The following SPRY1 variants were observed in gnomAD, a reference collection of about 807,000 sequenced individuals.
SPRY1 encodes sprouty RTK signaling antagonist 1.
SPRY1 carries 20 observed loss-of-function variants against 22.6 expected under a neutral mutation model. That is an observed-to-expected ratio of 0.89 (90% CI 0.62 to 1.29). The LOEUF is 1.29. Ranked by LOEUF, SPRY1 falls within the 50% of genes most tolerant of loss-of-function variation. The pLI, the probability that SPRY1 is intolerant of heterozygous loss-of-function variation, is 0.00. For synonymous variants in SPRY1, 155 were observed against 144.7 expected (o/e 1.07, Z -0.51); for missense variants, 446 against 387.7 (o/e 1.15, Z -1.26).
Position 123,402,255 on chromosome 4 carries a change from A to G in SPRY1, c.664A>G (p.Met222Val). The part of the protein sequence containing the change: ...AESMVEYGTC[M>V]CLVKGIFYHC... ...GAGCATGGTGGAATATGGAACCTGC[A>G]TGTGCTTAGTCAAGGGCATCTTCTA... Residue 222 changes from methionine (M) to valine (V), a missense_variant, in exon 3 of 3, where the codon ATG (methionine) becomes GTG (valine). By Grantham distance (21) the Met-to-Val change is conservative. Coordinates refer to ENST00000651917, the MANE Select transcript of SPRY1 (RefSeq NM_001258038.2). The G allele has an allele frequency of 6.2e-7, 1 of 1,614,246 alleles. No homozygotes were observed.
chr4:123,398,421 C>T (rs1309641678), intron 2 of SPRY1: 4 of 151,120 alleles, frequency 2.6e-5, no homozygotes, highest in African/African-American at 9.7e-5. Context: ...TCGCCCTCCC[C>T]GCCGCGGTTG....
At position 123,401,668 on chromosome 4, in the gene SPRY1, G is replaced by A; in HGVS notation, c.77G>A (p.Arg26Lys). The change falls in exon 3 of 3, where the codon AGA (arginine) becomes AAA (lysine). Residue 26 changes from arginine (R) to lysine (K), a missense_variant. Coordinates refer to ENST00000651917, the MANE Select transcript of SPRY1 (RefSeq NM_001258038.2). ...CAGCCTTCTTTGGATAGCCGTCAGA[G>A]ATTAGACTATGAGAGAGAGATTCAG... ...IQQPSLDSRQ[R>K]LDYEREIQPT... 1 of 1,614,148 alleles carries A rather than the reference G, an allele frequency of 6.2e-7. No individual in the cohort carries two copies. Among genetic ancestry groups the A allele is most frequent in the Non-Finnish European group, 8.5e-7 (1 of 1,180,036 alleles).
At position 123,397,800 on chromosome 4, in the gene SPRY1, C is replaced by A. The variant is rs1350034869; in HGVS notation, c.-112C>A. On this transcript the variant is annotated 5_prime_UTR_variant, in exon 2 of 3. Transcript: ENST00000651917. ...CCGCCTTTCTCTCTCCGAGAAGGAT[C>A]CCCAAACCTCACTCTCTTCACTCCT... 6.7e-6 allele frequency: 1 copy of A among 149,906 alleles called. No individual in the cohort carries two copies. Among genetic ancestry groups the A allele is most frequent in the East Asian group, 2.0e-4 (1 of 5,080 alleles). 9.3% of individuals were successfully genotyped at this position (149,906 alleles called of 1,614,324 possible).
chr4:123,402,621 TGTTTTTGTTTTC>T lies in SPRY1; in HGVS notation c.*71_*82del. 3 of 1,522,182 alleles carry T rather than the reference TGTTTTTGTTTTC, an allele frequency of 2.0e-6. No individual in the cohort carries two copies. Among genetic ancestry groups the T allele is most frequent in the Non-Finnish European group, 2.6e-6 (3 of 1,138,384 alleles). The allele number at this position is 1,522,182 out of a possible 1,614,324, so 94.3% of individuals were successfully genotyped here. On this transcript the variant is annotated 3_prime_UTR_variant, in exon 3 of 3. Coordinates refer to ENST00000651917, the MANE Select transcript of SPRY1 (RefSeq NM_001258038.2). ...TGTGGCTGTTTTTTGTTTTTGTTTT[TGTTTTTGTTTTC>T]TTTAGAATTTTTCCCTGTTTCCCAC...
chr4:123,402,299 C>G lies in SPRY1; in HGVS notation c.708C>G (p.Asp236Glu). Residue 236 changes from aspartate to glutamate, a missense_variant, in exon 3 of 3, where the codon GAC becomes GAG. Transcript: ENST00000651917. Reference sequence around the variant, plus strand: ...TCTTCTACCACTGCTCCAATGACGACGAAGGGGATTCCTATTCAGATAATC... The same window carrying G: ...TCTTCTACCACTGCTCCAATGACGAGGAAGGGGATTCCTATTCAGATAATC... ...KGIFYHCSNDDEGDSYSDNPC... is the reference protein window; with the variant it reads ...KGIFYHCSNDEEGDSYSDNPC... 2 of 1,614,216 alleles carry G rather than the reference C, an allele frequency of 1.2e-6. No individual in the cohort carries two copies. Among genetic ancestry groups the G allele is most frequent in the Non-Finnish European group, 1.7e-6 (2 of 1,180,030 alleles).
Position 123,396,860 on chromosome 4 carries a change from C to T in SPRY1, c.-374C>T, listed in dbSNP as rs140904840. ...TGCAGAGTGATTATCAGCACAGTTC[C>T]CTGCCCTGGATAAGGAACAGCTACA... On this transcript the variant is annotated 5_prime_UTR_variant, in exon 1 of 3. Coordinates refer to ENST00000651917, the MANE Select transcript of SPRY1 (RefSeq NM_001258038.2). The T allele has an allele frequency of 3.1e-4, 47 of 152,326 alleles. No individual in the cohort carries two copies. The highest frequency in any genetic ancestry group is 1.1e-3 in the African/African-American group (45 of 41,554). 9.4% of individuals were successfully genotyped at this position (152,326 alleles called of 1,614,324 possible). A position where few individuals can be genotyped will look rare whatever the true frequency, so the allele number is the denominator to read the frequency against.
At position 123,402,645 on chromosome 4, in the gene SPRY1, T is replaced by C. The variant is rs952464869; in HGVS notation, c.*94T>C. 6 of 1,473,922 alleles carry C rather than the reference T, an allele frequency of 4.1e-6. No individual in the cohort carries two copies. The African/African-American group carries it at 7.1e-5, about 17-fold the overall frequency. The allele number at this position is 1,473,922 out of a possible 1,614,324, so 91.3% of individuals were successfully genotyped here. The stretch of plus-strand genomic sequence containing the variant: ...TTGTTTTTGTTTTCTTTAGAATTTT[T>C]CCCTGTTTCCCACCTTCTCTTCCCC... On this transcript the variant is annotated 3_prime_UTR_variant, in exon 3 of 3. Transcript: ENST00000651917.
chr4:123,401,997 T>G lies in SPRY1; in HGVS notation c.406T>G (p.Leu136Val). Reference protein sequence around the residue: ...NSSASSEQGLLGRSPPTRPVP... With the variant: ...NSSASSEQGLVGRSPPTRPVP... Reference sequence around the variant, plus strand: ...CAGTGCCTCTTCTGAACAGGGACTGTTAGGAAGGTCACCACCAACCAGACC... The same window carrying G: ...CAGTGCCTCTTCTGAACAGGGACTGGTAGGAAGGTCACCACCAACCAGACC... Residue 136 changes from leucine to valine, a missense_variant, in exon 3 of 3, where the codon TTA becomes GTA. Leu to Val is a conservative substitution (Grantham distance 32). Coordinates refer to ENST00000651917, the MANE Select transcript of SPRY1 (RefSeq NM_001258038.2). The G allele has an allele frequency of 6.2e-7, 1 of 1,614,104 alleles. No individual in the cohort carries two copies. The highest frequency in any genetic ancestry group is 1.3e-5 in the African/African-American group (1 of 75,022).
rs753444242 is a variant in SPRY1 at position 123,401,937 on chromosome 4, A to G, written c.346A>G (p.Ser116Gly). ...GGGCCCCATTTTGAGCAGATCAACCAGCACTGGAAGTGCAGCCAGCTCTGG... is the reference window on the plus strand; with the variant it reads ...GGGCCCCATTTTGAGCAGATCAACCGGCACTGGAAGTGCAGCCAGCTCTGG... ...ARGPILSRST[S>G]TGSAASSGSN... The change falls in exon 3 of 3, where the codon AGC becomes GGC. Residue 116 changes from serine (S) to glycine (G), a missense_variant. Coordinates refer to ENST00000651917, the MANE Select transcript of SPRY1 (RefSeq NM_001258038.2). 1.1e-5 allele frequency: 18 copies of G among 1,614,090 alleles called. No homozygotes were observed. Among genetic ancestry groups the G allele is most frequent in the Non-Finnish European group, 1.4e-5 (17 of 1,180,040 alleles).
In SPRY1 at chr4:123,402,175, C is replaced by T. The variant is rs772009773; in HGVS notation, c.584C>T (p.Pro195Leu). ...GKCKCGECTA[P>L]RTLPSCLACN... ...TGCAAGTGTGGAGAATGCACTGCTC[C>T]CAGGACCCTACCATCCTGTTTGGCC... Residue 195 changes from proline (P) to leucine (L), a missense_variant, in exon 3 of 3, where the codon CCC becomes CTC. Transcript: ENST00000651917. 4.3e-6 allele frequency: 7 copies of T among 1,614,058 alleles called. No individual in the cohort carries two copies. The highest frequency in any genetic ancestry group is 5.1e-6 in the Non-Finnish European group (6 of 1,180,032).
At chr4:123,400,785 C>G (rs754000021) in intron 2 of SPRY1, among the ~76,000 whole-genome samples, 15 of 152,138 alleles carry the variant, frequency 9.9e-5, no homozygotes, top group Non-Finnish European at 1.9e-4. Context: ...TGAGTGAGCC[C>G]TTCAGCTTAA....
At position 123,402,532 on chromosome 4, in the gene SPRY1, G is replaced by A; in HGVS notation, c.941G>A (p.Gly314Asp). The change falls in exon 3 of 3, where the codon GGT becomes GAT. Residue 314 changes from glycine (G) to aspartate (D), a missense_variant. Gly to Asp is a moderately conservative substitution (Grantham distance 94, BLOSUM62 -1). Coordinates refer to ENST00000651917, the MANE Select transcript of SPRY1 (RefSeq NM_001258038.2). ...YCKLESCPSR[G>D]QGKPS The stretch of plus-strand genomic sequence containing the variant: ...AAGCTGGAGAGCTGCCCCTCCCGGG[G>A]TCAGGGTAAACCATCATGATTTTTG... 1 of 1,613,144 alleles carries A rather than the reference G, an allele frequency of 6.2e-7. No homozygotes were observed. Among genetic ancestry groups the A allele is most frequent in the Non-Finnish European group, 8.5e-7 (1 of 1,179,282 alleles).
intron 2 of SPRY1, chr4:123,400,121 TGAA>T (rs1270360791): frequency 6.6e-6 from 1 of 152,200 alleles, no homozygotes; most frequent in Non-Finnish European, 1.5e-5. Flanking sequence ...AAGAAGTTCT[TGAA>T]GAAGAGGAAT....
At chr4:123,399,076 C>T (rs537366950) in intron 2 of SPRY1, among the ~76,000 whole-genome samples, 43 of 152,328 alleles carry the variant, frequency 2.8e-4, no homozygotes, top group Non-Finnish European at 5.4e-4. Flanking sequence ...GGCACTGCCA[C>T]TTTAAAAGTG....
Position 123,402,304 on chromosome 4 carries a change from G to C in SPRY1, c.713G>C (p.Gly238Ala). Residue 238 changes from glycine (G) to alanine (A), a missense_variant, in exon 3 of 3, where the codon GGG (glycine) becomes GCG (alanine). Gly to Ala is a moderately conservative substitution (Grantham distance 60). Transcript: ENST00000651917. ...TACCACTGCTCCAATGACGACGAAG[G>C]GGATTCCTATTCAGATAATCCTTGC... Reference protein sequence around the residue: ...IFYHCSNDDEGDSYSDNPCSC... With the variant: ...IFYHCSNDDEADSYSDNPCSC... The C allele has an allele frequency of 6.2e-7, 1 of 1,614,162 alleles. No individual in the cohort carries two copies. The highest frequency in any genetic ancestry group is 1.6e-4 in the Middle Eastern group (1 of 6,062).
chr4:123,399,975 A>G (rs963429280), intron 2 of SPRY1: 2 of 152,128 alleles, frequency 1.3e-5, no homozygotes, highest in Non-Finnish European at 2.9e-5. Context: ...GCCAGTATGA[A>G]GTTTGTTACA....
In SPRY1 at chr4:123,402,347, C is replaced by T. The variant is rs578112056; in HGVS notation, c.756C>T (p.His252=). 14 of 1,614,098 alleles carry T rather than the reference C, an allele frequency of 8.7e-6. No homozygotes were observed. The highest frequency in any genetic ancestry group is 5.0e-5 in the Admixed American group (3 of 60,012). Residue 252 remains histidine (H), a synonymous_variant, in exon 3 of 3, where the codon CAC becomes CAT. Coordinates refer to ENST00000651917, the MANE Select transcript of SPRY1 (RefSeq NM_001258038.2). ...SDNPCSCSQS[H]CCSRYLCMGA... ...ATCCTTGCTCCTGTTCACAATCACA[C>T]TGCTGCTCTAGATACCTGTGTATGG...
chr4:123,399,610 C>T (rs1725065891), intron 2 of SPRY1: 1 of 152,288 alleles, frequency 6.6e-6, no homozygotes. Context: ...CTCGGTGAAC[C>T]CAGCTTTTCC....
intron 2 of SPRY1, among the ~76,000 whole-genome samples, chr4:123,398,955 G>T (rs1405118160): frequency 1.3e-5 from 2 of 152,082 alleles, no homozygotes; most frequent in Admixed American, 1.3e-4. Context: ...GTGTGTGTAG[G>T]CACATCCCCG....
Sources: gnomAD v4.1 joint callset for allele counts (sites outside exome capture counted in the v4.1 genomes callset) on GRCh38, gnomAD v4.1.1 for gene constraint, MANE v1.5 for transcripts, NCBI Gene and HGNC (gene_info 2026-07-23, HGNC 2026-07-21) for gene names.